Variants in SPIRE1 observed in about 807,000 individuals in gnomAD.
The protein encoded by SPIRE1 is spire type actin nucleation factor 1.
A neutral mutation model predicts 94.1 loss-of-function variants in SPIRE1; 40 were observed. The observed-to-expected ratio is 0.43, with a 90% CI of 0.33 to 0.55. SPIRE1 has a LOEUF of 0.55. Among genes scored for constraint, SPIRE1 ranks in the 20% least tolerant of loss-of-function variants. The pLI is 0.06. For missense variants in SPIRE1, 838 were observed against 975.2 expected (o/e 0.86, Z 1.87); for synonymous variants, 376 against 371.7 (o/e 1.01, Z -0.13).
chr18:12,461,586 T>TGTAC (rs1286161469), intron 12 of SPIRE1, among the ~76,000 whole-genome samples: 41 of 147,586 alleles, frequency 2.8e-4, no homozygotes, highest in Non-Finnish European at 4.1e-4. Flanking sequence ...TACATATGTA[T>TGTAC]ATACATACAT....
At chr18:12,642,623 C>A (rs2038117232) in intron 1 of SPIRE1, among the ~76,000 whole-genome samples, 1 of 152,162 alleles carries the variant, frequency 6.6e-6, no homozygotes, top group African/African-American at 2.4e-5. Context: ...TCTAGAATGT[C>A]ATCTTCAGAA....
chr18:12,580,599 C>T (rs2036230248), intron 2 of SPIRE1, among the ~76,000 whole-genome samples: 1 of 152,214 alleles, frequency 6.6e-6, no homozygotes, highest in Non-Finnish European at 1.5e-5. Flanking sequence ...GCTGGGATTA[C>T]AGGTGTGAGC....
chr18:12,459,410 TGG>T (rs1370554905), intron 12 of SPIRE1, among the ~76,000 whole-genome samples: 2 of 152,054 alleles, frequency 1.3e-5, no homozygotes, highest in African/African-American at 4.8e-5. Context: ...CTTCTGATGG[TGG>T]GGGGAGGCCC....
intron 2 of SPIRE1, among the ~76,000 whole-genome samples, chr18:12,630,961 C>A (rs1368799315): frequency 6.6e-6 from 1 of 152,114 alleles, no homozygotes; most frequent in African/African-American, 2.4e-5. Context: ...GTAGTCAGTC[C>A]CCTTTGTGAC....
Position 12,450,841 on chromosome 18 carries a change from C to G in SPIRE1, c.2013-945G>C, listed in dbSNP as rs746307953. 19 of 735,838 alleles carry G rather than the reference C, an allele frequency of 2.6e-5. 1 individual carries two copies. Among genetic ancestry groups the G allele is most frequent in the Admixed American group, 8.9e-5 (5 of 56,002 alleles). 45.6% of individuals were successfully genotyped at this position (735,838 alleles called of 1,614,324 possible). Reference sequence around the variant, plus strand: ...AAAAGCTGGGTGAGATGCGGAATAACTTAAATGACAGTGAAAAGCAGCCTT... The same window carrying G: ...AAAAGCTGGGTGAGATGCGGAATAAGTTAAATGACAGTGAAAAGCAGCCTT... On this transcript the variant is annotated intron_variant, in intron 16 of 16. Coordinates refer to ENST00000409402, the MANE Select transcript of SPIRE1 (RefSeq NM_001128626.2).
At chr18:12,542,590 T>C (rs1422191388) in intron 3 of SPIRE1, among the ~76,000 whole-genome samples, 2 of 152,184 alleles carry the variant, frequency 1.3e-5, no homozygotes, top group African/African-American at 4.8e-5. Flanking sequence ...CCTATTGGCC[T>C]GATATTTACA....
chr18:12,640,362 T>C (rs2038052159), intron 1 of SPIRE1, among the ~76,000 whole-genome samples: 1 of 152,196 alleles, frequency 6.6e-6, no homozygotes, highest in Non-Finnish European at 1.5e-5. Flanking sequence ...ATGTTCTTTT[T>C]CATGCTAAAA....
At chr18:12,527,899 T>C (rs985292318) in intron 4 of SPIRE1, among the ~76,000 whole-genome samples, 1 of 152,014 alleles carries the variant, frequency 6.6e-6, no homozygotes, top group Non-Finnish European at 1.5e-5. Flanking sequence ...ACCCCGTCTC[T>C]ACTAAAAATA....
intron 1 of SPIRE1, among the ~76,000 whole-genome samples, chr18:12,654,242 TAGG>T (rs1313998417): frequency 1.4e-5 from 2 of 139,602 alleles, no homozygotes; most frequent in Non-Finnish European, 3.0e-5. Context: ...GAGGCTGAGG[TAGG>T]AGAATTGCTT....
intron 1 of SPIRE1, among the ~76,000 whole-genome samples, chr18:12,652,670 A>C (rs2038415242): frequency 6.6e-6 from 1 of 152,022 alleles, no homozygotes; most frequent in Non-Finnish European, 1.5e-5. Flanking sequence ...CTGAATGCTA[A>C]ATAAACTCAC....
chr18:12,498,673 T>C (rs931925147), intron 6 of SPIRE1, among the ~76,000 whole-genome samples: 13 of 152,318 alleles, frequency 8.5e-5, no homozygotes, highest in Admixed American at 1.3e-4. Context: ...ATGACCCAGG[T>C]TGGAGTGCAG....
At chr18:12,637,964 T>C (rs1028886780) in intron 1 of SPIRE1, among the ~76,000 whole-genome samples, 2 of 152,196 alleles carry the variant, frequency 1.3e-5, no homozygotes, top group Admixed American at 6.5e-5. Context: ...GGTCATTCAA[T>C]TTGAATTGGT....
chr18:12,546,639 G>T, intron 3 of SPIRE1, 35 bp downstream of exon 3: 1 of 1,487,038 alleles, frequency 6.7e-7, no homozygotes, highest in Non-Finnish European at 9.4e-7. Flanking sequence ...AACAACTCTT[G>T]AAAAAAACAA....
intron 2 of SPIRE1, among the ~76,000 whole-genome samples, chr18:12,548,604 CTT>C (rs59811774): frequency 5.5e-5 from 8 of 144,274 alleles, no homozygotes; most frequent in South Asian, 2.2e-4. Flanking sequence ...TCTTTTCTTT[CTT>C]TTTTTTTTTT....
At chr18:12,592,078 GGTA>G (rs1237192472) in intron 2 of SPIRE1, among the ~76,000 whole-genome samples, 2 of 151,868 alleles carry the variant, frequency 1.3e-5, no homozygotes, top group African/African-American at 4.8e-5. Context: ...CCAGTATGTT[GGTA>G]GTCAATTTCA....
At chr18:12,466,084 AG>A (rs1342419540) in intron 10 of SPIRE1, among the ~76,000 whole-genome samples, 3 of 151,732 alleles carry the variant, frequency 2.0e-5, no homozygotes, top group African/African-American at 7.3e-5. Flanking sequence ...ACTCCGTCTC[AG>A]AAAAAAAAAA....
At chr18:12,587,023 T>C (rs1286353322) in intron 2 of SPIRE1, among the ~76,000 whole-genome samples, 1 of 152,246 alleles carries the variant, frequency 6.6e-6, no homozygotes, top group African/African-American at 2.4e-5. Context: ...TATGTTATTG[T>C]ATGTTATTGT....
At chr18:12,488,555 GTTTTAAAGGAATAATTTTTA>G (rs1316997712) in intron 8 of SPIRE1, among the ~76,000 whole-genome samples, 5 of 151,886 alleles carry the variant, frequency 3.3e-5, no homozygotes, top group African/African-American at 1.2e-4. Context: ...TTAGCAGCTG[GTTTTAAAGGAATAATTTTTA>G]TTTACAACCC....
At chr18:12,539,917 ACT>A (rs1169375753) in intron 3 of SPIRE1, among the ~76,000 whole-genome samples, 1 of 145,768 alleles carries the variant, frequency 6.9e-6, no homozygotes, top group Non-Finnish European at 1.5e-5. Context: ...ACAGAGAGAG[ACT>A]CTGTCTTAAA....
Sources: gnomAD v4.1 joint callset for allele counts (sites outside exome capture counted in the v4.1 genomes callset) on GRCh38, gnomAD v4.1.1 for gene constraint, MANE v1.5 for transcripts, NCBI Gene and HGNC (gene_info 2026-07-23, HGNC 2026-07-21) for gene names.